Variants in PCDH15 observed in about 807,000 individuals in gnomAD.
The protein encoded by PCDH15 is protocadherin related 15.
A neutral mutation model predicts 178.5 loss-of-function variants in PCDH15; 129 were observed. That is an observed-to-expected ratio of 0.72 (90% CI 0.63 to 0.84). The LOEUF (loss-of-function observed/expected upper bound fraction) is 0.84. PCDH15 is among the 40% of genes least tolerant of loss of function. The pLI, the probability that PCDH15 is intolerant of heterozygous loss-of-function variation, is 0.00. For missense variants in PCDH15, 2,230 were observed against 2,099.9 expected, an observed-to-expected ratio of 1.06 and a Z score of -1.21; for synonymous variants, 800 against 732.0, an observed-to-expected ratio of 1.09 and a Z score of -1.50.
intron 1 of PCDH15, among the ~76,000 whole-genome samples, chr10:55,317,732 A>T (rs922124704): frequency 7.3e-5 from 11 of 151,638 alleles, no homozygotes; most frequent in African/African-American, 2.7e-4. Flanking sequence ...AAAAAAAAAC[A>T]GAATAGAAAA....
intron 6 of PCDH15, among the ~76,000 whole-genome samples, chr10:54,341,385 C>T (rs1942196889): frequency 6.6e-6 from 1 of 152,144 alleles, no homozygotes; most frequent in South Asian, 2.1e-4. Flanking sequence ...CTGCCTCCTG[C>T]TGCATGTAAG....
intron 3 of PCDH15, among the ~76,000 whole-genome samples, chr10:54,520,149 A>G (rs1344657113): frequency 3.3e-5 from 5 of 152,206 alleles, no homozygotes; most frequent in Admixed American, 6.5e-5. Flanking sequence ...GGACATAGTC[A>G]TGGGCAAGGA....
intron 1 of PCDH15, among the ~76,000 whole-genome samples, chr10:55,172,485 A>G (rs1465987163): frequency 1.3e-5 from 2 of 151,928 alleles, no homozygotes; most frequent in African/African-American, 4.8e-5. Flanking sequence ...GAGAAAGCTT[A>G]CTATTTTGCA....
chr10:55,626,356 G>A (rs1478337205), intron 2 of PCDH15, among the ~76,000 whole-genome samples: 1 of 152,032 alleles, frequency 6.6e-6, no homozygotes, highest in Non-Finnish European at 1.5e-5. Context: ...TCTACAGCAC[G>A]CATGTGTGAA....
chr10:54,739,914 T>C (rs1331165261), intron 1 of PCDH15, among the ~76,000 whole-genome samples: 1 of 151,920 alleles, frequency 6.6e-6, no homozygotes, highest in Non-Finnish European at 1.5e-5. Flanking sequence ...ACGTAAAACC[T>C]AAACTATAAA....
At chr10:53,941,071 C>A (rs188773153) in intron 23 of PCDH15, 96 bp from the exon 24 acceptor site, 1 of 822,536 alleles carries the variant, frequency 1.2e-6, no homozygotes, top group East Asian at 2.7e-5. Context: ...TAAGAGATTT[C>A]TGATATACCC....
chr10:54,111,972 CAAAAA>C (rs369333708), intron 15 of PCDH15, among the ~76,000 whole-genome samples: 1 of 97,576 alleles, frequency 1.0e-5, no homozygotes, highest in African/African-American at 3.8e-5. Flanking sequence ...ACCAAAAATA[CAAAAA>C]AAAAAAAAAA....
At chr10:54,442,127 T>A (rs1441786209) in intron 3 of PCDH15, among the ~76,000 whole-genome samples, 6 of 151,420 alleles carry the variant, frequency 4.0e-5, no homozygotes, top group Admixed American at 3.3e-4. Flanking sequence ...GCTTCAAGGC[T>A]GAATCCTAAT....
At chr10:55,363,770 G>C (rs1177349294) in intron 2 of PCDH15, among the ~76,000 whole-genome samples, 3 of 151,962 alleles carry the variant, frequency 2.0e-5, no homozygotes. Context: ...CAAGTAGCCA[G>C]TATTACAGGC....
chr10:54,121,259 A>G (rs1329385194), intron 15 of PCDH15, among the ~76,000 whole-genome samples: 2 of 151,454 alleles, frequency 1.3e-5, no homozygotes, highest in Non-Finnish European at 2.9e-5. Context: ...AAACAGAAAC[A>G]CAACATAAAA....
intron 2 of PCDH15, among the ~76,000 whole-genome samples, chr10:55,416,738 A>G (rs1320338615): frequency 1.3e-5 from 2 of 151,730 alleles, no homozygotes; most frequent in Non-Finnish European, 2.9e-5. Flanking sequence ...AATTAAAGGG[A>G]CAGGTGAGGC....
chr10:53,808,590 G>C (rs1280970474), intron 37 of PCDH15: 7 of 1,468,546 alleles, frequency 4.8e-6, no homozygotes, highest in African/African-American at 1.4e-5. Flanking sequence ...TCAAAATCTT[G>C]ATCAATTTCC....
intron 2 of PCDH15, among the ~76,000 whole-genome samples, chr10:55,559,847 T>A (rs1424009380): frequency 6.6e-6 from 1 of 151,904 alleles, no homozygotes; most frequent in East Asian, 1.9e-4. Flanking sequence ...TTTTTCAACA[T>A]CCTGTAGAGT....
At chr10:54,288,496 G>C (rs537293198) in intron 8 of PCDH15, among the ~76,000 whole-genome samples, 1 of 152,142 alleles carries the variant, frequency 6.6e-6, no homozygotes, top group Non-Finnish European at 1.5e-5. Context: ...CTGAGGTACT[G>C]GTTCATCTCA....
intron 8 of PCDH15, among the ~76,000 whole-genome samples, chr10:54,252,133 C>G (rs991489112): frequency 2.0e-5 from 3 of 152,106 alleles, no homozygotes; most frequent in Non-Finnish European, 2.9e-5. Context: ...TCCTTTATCC[C>G]TGTCTACATC....
chr10:54,162,180 T>C (rs1408357063), intron 13 of PCDH15, among the ~76,000 whole-genome samples: 2 of 150,236 alleles, frequency 1.3e-5, no homozygotes, highest in South Asian at 2.1e-4. Flanking sequence ...TGAGTAACTT[T>C]CTTCCTTCTT....
chr10:55,076,316 A>G (rs957445997), intron 2 of PCDH15, among the ~76,000 whole-genome samples: 1 of 151,758 alleles, frequency 6.6e-6, no homozygotes, highest in Non-Finnish European at 1.5e-5. Flanking sequence ...TCTGTCTATT[A>G]CTGTATTGAA....
intron 7 of PCDH15, among the ~76,000 whole-genome samples, chr10:54,324,955 C>T (rs1488694994): frequency 6.6e-6 from 1 of 151,754 alleles, no homozygotes; most frequent in Non-Finnish European, 1.5e-5. Flanking sequence ...GGTAACATAT[C>T]AAAGTTGAGG....
chr10:54,486,237 A>C (rs1031850919), intron 3 of PCDH15: 1 of 151,972 alleles, frequency 6.6e-6, no homozygotes, highest in Non-Finnish European at 1.5e-5. Flanking sequence ...TAAGACAGAA[A>C]CTGGAAGCAT....
Sources: gnomAD v4.1 joint callset for allele counts (sites outside exome capture counted in the v4.1 genomes callset) on GRCh38, gnomAD v4.1.1 for gene constraint, MANE v1.5 for transcripts, NCBI Gene and HGNC (gene_info 2026-07-23, HGNC 2026-07-21) for gene names.